ADK: variants seen among roughly 807,000 people sequenced by gnomAD.
The protein encoded by ADK is adenosine kinase.
Under a neutral mutation model 44.7 loss-of-function variants are expected in ADK, and 24 were observed. The ratio of observed to expected loss-of-function variants is 0.54; its 90% confidence interval spans 0.39 to 0.76. The LOEUF (loss-of-function observed/expected upper bound fraction) is 0.76, where lower values mean the gene tolerates loss of function less well. Ranked by LOEUF, ADK falls within the 30% of genes least tolerant of loss-of-function variation. The pLI is 0.00. For missense variants in ADK, 321 were observed against 425.1 expected, an observed-to-expected ratio of 0.76 and a Z score of 2.15; for synonymous variants, 128 against 142.6, an observed-to-expected ratio of 0.90 and a Z score of 0.73.
At chr10:74,587,388 G>A (rs1032578167) in intron 7 of ADK, among the ~76,000 whole-genome samples, 6 of 152,176 alleles carry the variant, frequency 3.9e-5, no homozygotes, top group South Asian at 2.1e-4. Flanking sequence ...AGTAAATAGC[G>A]TAAGGAGTTG....
chr10:74,652,038 C>A (rs1217457507), intron 9 of ADK, among the ~76,000 whole-genome samples: 1 of 146,096 alleles, frequency 6.8e-6, no homozygotes, highest in African/African-American at 2.6e-5. Context: ...TATGAAGGAA[C>A]TTTCTTTCTT....
intron 1 of ADK, among the ~76,000 whole-genome samples, chr10:74,168,011 G>A (rs1187281279): frequency 6.6e-6 from 1 of 152,154 alleles, no homozygotes; most frequent in African/African-American, 2.4e-5. Context: ...TTGAAGAAAT[G>A]ATTTAAAGTT....
intron 7 of ADK, among the ~76,000 whole-genome samples, chr10:74,555,301 G>A (rs912045583): frequency 2.6e-5 from 4 of 151,992 alleles, no homozygotes; most frequent in African/African-American, 9.7e-5. Flanking sequence ...TTAAGGGCTG[G>A]TCTTTCTTTT....
chr10:74,623,877 G>A (rs115943903), intron 9 of ADK, among the ~76,000 whole-genome samples: 3,082 of 152,044 alleles, frequency 0.02, 111 homozygotes, highest in African/African-American at 0.069. Flanking sequence ...ATGTTTTTCA[G>A]AATAATTATT....
At chr10:74,480,492 T>A (rs925042489) in intron 6 of ADK, among the ~76,000 whole-genome samples, 8 of 152,130 alleles carry the variant, frequency 5.3e-5, no homozygotes, top group Non-Finnish European at 1.2e-4. Flanking sequence ...TTGCCCAGGC[T>A]GTTCTCAAAC....
At chr10:74,456,814 T>C (rs541693676) in intron 6 of ADK, among the ~76,000 whole-genome samples, 1 of 152,082 alleles carries the variant, frequency 6.6e-6, no homozygotes, top group Non-Finnish European at 1.5e-5. Context: ...CAGAATCTCT[T>C]GGACACAGCT....
intron 6 of ADK, among the ~76,000 whole-genome samples, chr10:74,418,371 A>G (rs1468107218): frequency 6.6e-6 from 1 of 151,850 alleles, no homozygotes; most frequent in Admixed American, 6.6e-5. Context: ...TTTTTTTTCC[A>G]GTGGAATACA....
intron 6 of ADK, among the ~76,000 whole-genome samples, chr10:74,443,074 G>T (rs1052728118): frequency 6.6e-6 from 1 of 152,056 alleles, no homozygotes; most frequent in East Asian, 1.9e-4. Context: ...GGATGAATAC[G>T]TTCTGGAGAC....
chr10:74,481,714 T>G (rs1196400522), intron 6 of ADK, among the ~76,000 whole-genome samples: 3 of 152,208 alleles, frequency 2.0e-5, no homozygotes, highest in South Asian at 2.1e-4. Context: ...TCTTCTGTCC[T>G]CATACAAATT....
chr10:74,697,567 T>A (rs1856252206), intron 10 of ADK, among the ~76,000 whole-genome samples: 1 of 151,982 alleles, frequency 6.6e-6, no homozygotes, highest in Non-Finnish European at 1.5e-5. Flanking sequence ...AGTAATAGAG[T>A]CTACTGGGTT....
At chr10:74,352,063 A>G (rs1402390765) in intron 4 of ADK, among the ~76,000 whole-genome samples, 1 of 151,778 alleles carries the variant, frequency 6.6e-6, no homozygotes, top group Non-Finnish European at 1.5e-5. Context: ...TTAAAAAAAA[A>G]AAAGAAACAA....
intron 1 of ADK, among the ~76,000 whole-genome samples, chr10:74,192,789 G>A (rs887384022): frequency 6.6e-6 from 1 of 152,198 alleles, no homozygotes; most frequent in Admixed American, 6.5e-5. Flanking sequence ...GCCTCCCAAA[G>A]TGCTGGGATT....
chr10:74,708,169 A>G, intron 10 of ADK, 152 bp from the exon 11 acceptor site: 1 of 788,824 alleles, frequency 1.3e-6, no homozygotes. Context: ...AAAAAAAAAA[A>G]AGACCTCCCT....
intron 6 of ADK, among the ~76,000 whole-genome samples, chr10:74,462,511 T>C (rs1846207249): frequency 6.6e-6 from 1 of 152,154 alleles, no homozygotes; most frequent in African/African-American, 2.4e-5. Flanking sequence ...TTTCTGAAAG[T>C]GATTCAATAA....
intron 9 of ADK, among the ~76,000 whole-genome samples, chr10:74,623,134 C>G (rs1430784063): frequency 6.6e-6 from 1 of 152,190 alleles, no homozygotes; most frequent in Non-Finnish European, 1.5e-5. Flanking sequence ...AACTTTCCCC[C>G]TTCCTTTCAG....
chr10:74,591,929 C>T (rs1003778109), intron 8 of ADK, among the ~76,000 whole-genome samples: 1 of 151,838 alleles, frequency 6.6e-6, no homozygotes, highest in African/African-American at 2.4e-5. Flanking sequence ...CCAATCCAAG[C>T]GCCTCTAAAA....
At chr10:74,596,401 A>T (rs1293150502) in intron 8 of ADK, among the ~76,000 whole-genome samples, 1 of 152,072 alleles carries the variant, frequency 6.6e-6, no homozygotes, top group African/African-American at 2.4e-5. Context: ...TGGTTGATTG[A>T]TTGTTTTGAG....
chr10:74,234,504 A>G (rs572986511), intron 3 of ADK, among the ~76,000 whole-genome samples: 1 of 152,210 alleles, frequency 6.6e-6, no homozygotes, highest in African/African-American at 2.4e-5. Flanking sequence ...GATATTGTTC[A>G]TTATGAACAT....
chr10:74,702,848 C>T (rs913553701), intron 10 of ADK, among the ~76,000 whole-genome samples: 3 of 152,102 alleles, frequency 2.0e-5, no homozygotes, highest in African/African-American at 7.2e-5. Context: ...CTGCCTGCCT[C>T]GGACTCCCAA....
Sources: gnomAD v4.1 joint callset for allele counts (sites outside exome capture counted in the v4.1 genomes callset) on GRCh38, gnomAD v4.1.1 for gene constraint, MANE v1.5 for transcripts, NCBI Gene and HGNC (gene_info 2026-07-23, HGNC 2026-07-21) for gene names.